VPS8: variants seen among roughly 807,000 people sequenced by gnomAD.
VPS8 encodes the protein VPS8 subunit of CORVET complex.
In VPS8, 129 loss-of-function variants were observed where a neutral mutation model predicts 216.4. The observed-to-expected ratio is 0.60, with a 90% CI of 0.52 to 0.69. VPS8 has a LOEUF of 0.69. Among genes scored for constraint, VPS8 ranks in the 30% least tolerant of loss-of-function variants. VPS8 has a pLI of 0.00. For synonymous variants in VPS8, 571 were observed against 565.4 expected, an observed-to-expected ratio of 1.01 and a Z score of -0.14; for missense variants, 1,531 against 1,683.5, an observed-to-expected ratio of 0.91 and a Z score of 1.59.
chr3:184,999,628 A>G, intron 44 of VPS8, 68 bp from the exon 45 acceptor site: 1 of 1,493,802 alleles, frequency 6.7e-7, no homozygotes, highest in Non-Finnish European at 8.9e-7. Context: ...TTCTAAGTAC[A>G]CTTACAAGCT....
chr3:184,901,122 G>A (rs944747191), intron 25 of VPS8, 150 bp downstream of exon 25: 6 of 693,450 alleles, frequency 8.7e-6, no homozygotes, highest in African/African-American at 3.7e-5. Context: ...TGCAGAAGGA[G>A]CCATAGCTTC....
intron 37 of VPS8, among the ~76,000 whole-genome samples, chr3:184,959,192 C>G (rs1421040060): frequency 6.6e-6 from 1 of 152,122 alleles, no homozygotes; most frequent in Non-Finnish European, 1.5e-5. Context: ...GCTAGGAACC[C>G]TGTAAGCACA....
intron 10 of VPS8, among the ~76,000 whole-genome samples, chr3:184,851,225 AAG>A (rs760345641): frequency 6.6e-6 from 1 of 152,216 alleles, no homozygotes. Flanking sequence ...GCAGAGAGAA[AAG>A]AGAAGAATGC....
chr3:184,841,509 G>C (rs1001669690), intron 7 of VPS8, among the ~76,000 whole-genome samples: 7 of 152,058 alleles, frequency 4.6e-5, no homozygotes, highest in Non-Finnish European at 7.4e-5. Context: ...ATATAGTACT[G>C]TGATGAACAT....
At chr3:184,941,406 A>C (rs1742666451) in intron 36 of VPS8, among the ~76,000 whole-genome samples, 1 of 147,790 alleles carries the variant, frequency 6.8e-6, no homozygotes, top group Non-Finnish European at 1.5e-5. Context: ...ATTATTACTG[A>C]GGGTAGACAT....
intron 16 of VPS8, among the ~76,000 whole-genome samples, chr3:184,865,243 A>C (rs919356441): frequency 6.6e-6 from 1 of 152,238 alleles, no homozygotes; most frequent in African/African-American, 2.4e-5. Flanking sequence ...TGGAAAAACT[A>C]ATGGTCAAAA....
chr3:184,828,915 T>G (rs888592719), intron 3 of VPS8, among the ~76,000 whole-genome samples: 8 of 152,210 alleles, frequency 5.3e-5, no homozygotes, highest in East Asian at 1.9e-4. Flanking sequence ...CCAGGGTAAT[T>G]ACTACTCTAA....
intron 46 of VPS8, among the ~76,000 whole-genome samples, chr3:185,032,929 AG>A (rs1406707011): frequency 2.6e-5 from 4 of 152,190 alleles, no homozygotes; most frequent in African/African-American, 9.6e-5. Context: ...GGCCTCCCAA[AG>A]TGCTGGGATT....
intron 4 of VPS8, 143 bp from the exon 5 acceptor site, chr3:184,834,506 A>C: frequency 1.6e-6 from 1 of 638,104 alleles, no homozygotes; most frequent in Non-Finnish European, 2.6e-6. Flanking sequence ...TAATAATAAT[A>C]AAAGAAAAAA....
At chr3:184,975,475 T>A (rs1258603720) in intron 40 of VPS8, among the ~76,000 whole-genome samples, 2 of 152,118 alleles carry the variant, frequency 1.3e-5, no homozygotes, top group African/African-American at 4.8e-5. Flanking sequence ...TTCATATCTA[T>A]GAGATAATGT....
Position 184,982,621 on chromosome 3 carries a change from C to T in VPS8, c.3476C>T (p.Ser1159Leu). The change falls in exon 41 of 48, where the codon TCA becomes TTA. Residue 1159 changes from serine to leucine, a missense_variant. Physicochemically the swap from Ser to Leu is moderately radical, Grantham distance 145. This residue lies in a region of VPS8 where 1,318 missense variants were observed against 1,468.4 expected (regional missense o/e 0.90). Coordinates refer to ENST00000625842, the MANE Select transcript of VPS8 (RefSeq NM_001009921.3). Reference sequence around the variant, plus strand: ...ATGGCCCCTCAGAAGCTGTCCAGTTCAGCCATTCCTCATCTACACTCTGAA... The same window carrying T: ...ATGGCCCCTCAGAAGCTGTCCAGTTTAGCCATTCCTCATCTACACTCTGAA... ...AMMAPQKLSS[S>L]AIPHLHSEAL... 6.2e-7 allele frequency: 1 copy of T among 1,612,504 alleles called. No individual in the cohort carries two copies. Among genetic ancestry groups the T allele is most frequent in the Non-Finnish European group, 8.5e-7 (1 of 1,179,416 alleles).
chr3:185,011,902 A>G (rs1755060873), intron 45 of VPS8, among the ~76,000 whole-genome samples: 1 of 152,232 alleles, frequency 6.6e-6, no homozygotes, highest in Non-Finnish European at 1.5e-5. Context: ...AATATGTTAA[A>G]GTATTTCGTG....
chr3:185,031,064 T>G (rs949631965), intron 46 of VPS8, among the ~76,000 whole-genome samples: 8 of 78,776 alleles, frequency 1.0e-4, no homozygotes, highest in African/African-American at 4.7e-4. Flanking sequence ...CAGGTTGGCG[T>G]TTTTTTTTTT....
intron 37 of VPS8, among the ~76,000 whole-genome samples, chr3:184,963,511 A>G (rs1479839165): frequency 1.3e-5 from 2 of 152,044 alleles, no homozygotes; most frequent in Non-Finnish European, 2.9e-5. Flanking sequence ...ATTTTTGTAC[A>G]TTGTTTTCTA....
chr3:184,832,855 G>T, intron 4 of VPS8, 36 bp downstream of exon 4: 2 of 1,587,160 alleles, frequency 1.3e-6, no homozygotes, highest in African/African-American at 1.3e-5. Flanking sequence ...GCTTACAGTT[G>T]AAGTATTCAA....
intron 22 of VPS8, among the ~76,000 whole-genome samples, 170 bp from the exon 23 acceptor site, chr3:184,894,533 C>T (rs58693904): frequency 0.41 from 31,627 of 77,142 alleles, 4,842 homozygotes; most frequent in African/African-American, 0.6. Context: ...TATATATATA[C>T]ACACACACAC....
chr3:184,852,104 A>C (rs191737176), intron 10 of VPS8, among the ~76,000 whole-genome samples: 1 of 152,304 alleles, frequency 6.6e-6, no homozygotes, highest in African/African-American at 2.4e-5. Context: ...GATACCAAGT[A>C]TTTTTTAGAG....
intron 40 of VPS8, among the ~76,000 whole-genome samples, chr3:184,979,284 G>A (rs1210410669): frequency 6.6e-6 from 1 of 152,086 alleles, no homozygotes; most frequent in African/African-American, 2.4e-5. Context: ...TGTTATTATT[G>A]GGTGGAATGT....
At chr3:184,903,458 A>G (rs1734932463) in intron 25 of VPS8, among the ~76,000 whole-genome samples, 1 of 152,138 alleles carries the variant, frequency 6.6e-6, no homozygotes, top group Non-Finnish European at 1.5e-5. Flanking sequence ...TTTAAAAATT[A>G]ATTTTATTTT....
Sources: gnomAD v4.1 joint callset for allele counts (sites outside exome capture counted in the v4.1 genomes callset) on GRCh38, gnomAD v4.1.1 for gene constraint, gnomAD v4.1.1 regional missense constraint, MANE v1.5 for transcripts, NCBI Gene and HGNC (gene_info 2026-07-23, HGNC 2026-07-21) for gene names.